The following CYP27C1 variants were observed in gnomAD, a reference collection of about 807,000 sequenced individuals.
The protein encoded by CYP27C1 is cytochrome P450 27C1.
A neutral mutation model predicts 40.6 loss-of-function variants in CYP27C1; 29 were observed. The observed-to-expected ratio is 0.71, with a 90% CI of 0.53 to 0.97. The LOEUF is 0.97. Ranked by LOEUF, CYP27C1 falls within the 50% of genes least tolerant of loss-of-function variation. CYP27C1 has a pLI of 0.00. For synonymous variants in CYP27C1, 198 were observed against 186.8 expected, an observed-to-expected ratio of 1.06 and a Z score of -0.49; for missense variants, 390 against 485.8, an observed-to-expected ratio of 0.80 and a Z score of 1.85.
chr2:127,214,309 C>A (rs1239521964), intron 1 of CYP27C1, among the ~76,000 whole-genome samples: 2 of 152,172 alleles, frequency 1.3e-5, no homozygotes, highest in African/African-American at 2.4e-5. Context: ...CCCAGCAATC[C>A]CATTCCTGGG....
chr2:127,200,624 ATGTTACC>A lies in CYP27C1; in HGVS notation c.883+491_883+497del, dbSNP rs1683010606. ...TTATTTTAAAATGAAAAAACTGATC[ATGTTACC>A]TGTAGTCACAACCCACATGCTTTTT... is the stretch of plus-strand genomic sequence containing the variant. On this transcript the variant is annotated intron_variant, in intron 4 of 8. Transcript: ENST00000664447. The surrounding 1 kb of genome is among the most constrained non-coding windows in gnomAD (Gnocchi z 4.2). 6.6e-6 allele frequency among the ~76,000 whole-genome samples: 1 copy of A among 152,178 alleles called. No homozygotes were observed. The highest frequency in any genetic ancestry group is 2.4e-5 in the African/African-American group (1 of 41,436).
rs1010715898 is a variant in CYP27C1 at position 127,201,007 on chromosome 2, G to C, written c.883+115C>G. On this transcript the variant is annotated intron_variant, in intron 4 of 8. Coordinates refer to ENST00000664447, the MANE Select transcript of CYP27C1 (RefSeq NM_001367502.1). This position sits in a 1 kb window ranked among gnomAD's most constrained non-coding sequence, Gnocchi z 6.0. ...AAGTTATGGGTCCAAAAACTAACAC[G>C]TGACTACATCTAGGCATCCTCTGCT... 1 of 1,037,738 alleles carries C rather than the reference G, an allele frequency of 9.6e-7. No individual in the cohort carries two copies. The allele number at this position is 1,037,738 out of a possible 1,614,324, so 64.3% of individuals were successfully genotyped here.
intron 2 of CYP27C1, among the ~76,000 whole-genome samples, chr2:127,204,187 AC>A (rs1683105683): frequency 6.7e-6 from 1 of 149,098 alleles, no homozygotes; most frequent in African/African-American, 2.5e-5. Context: ...AATCACTTGA[AC>A]CCGGGAGGCA....
intron 5 of CYP27C1, among the ~76,000 whole-genome samples, chr2:127,197,180 T>C (rs1682923188): frequency 6.6e-6 from 1 of 152,138 alleles, no homozygotes; most frequent in Non-Finnish European, 1.5e-5. Context: ...TCAAGTGGTG[T>C]CTTAATTTGA....
In CYP27C1 at chr2:127,193,300, G is replaced by A; in HGVS notation, c.1294-3C>T. On this transcript the variant is annotated splice_polypyrimidine_tract_variant and splice_region_variant and intron_variant, in intron 7 of 8. Coordinates refer to ENST00000664447, the MANE Select transcript of CYP27C1 (RefSeq NM_001367502.1). The stretch of plus-strand genomic sequence containing the variant: ...TAGTGGCAAAGGGCCAGCTGGGTCT[G>A]AGGAAATCAGGGATGACAGAAAAGG... 1.2e-6 allele frequency: 2 copies of A among 1,614,164 alleles called. No individual in the cohort carries two copies. Among genetic ancestry groups the A allele is most frequent in the Middle Eastern group, 1.7e-4 (1 of 6,034 alleles).
chr2:127,199,252 A>C, intron 5 of CYP27C1, 124 bp downstream of exon 5: 1 of 1,284,228 alleles, frequency 7.8e-7, no homozygotes, highest in Non-Finnish European at 1.1e-6. Flanking sequence ...ATGCCATTGC[A>C]CTCCAGCCTG....
At chr2:127,191,473 A>T (rs1206800246) in intron 8 of CYP27C1, among the ~76,000 whole-genome samples, 1 of 151,964 alleles carries the variant, frequency 6.6e-6, no homozygotes, top group African/African-American at 2.4e-5. Flanking sequence ...CTCCCAACTC[A>T]CCGATGCCCT....
At chr2:127,192,958 G>T in intron 8 of CYP27C1, 136 bp downstream of exon 8, 2 of 1,138,820 alleles carry the variant, frequency 1.8e-6, no homozygotes, top group Non-Finnish European at 2.5e-6. Flanking sequence ...CCACAGGTGT[G>T]AGCCACAGTG....
rs1254941614 is a variant in CYP27C1 at position 127,201,385 on chromosome 2, CA to C, written c.674-55del. On this transcript the variant is annotated intron_variant, in intron 3 of 8. Transcript: ENST00000664447. The surrounding 1 kb of genome is among the most constrained non-coding windows in gnomAD (Gnocchi z 6.0). ...TCTTCTAGATTATTTACCATACCAACAGGCAATGTTGGGCCATAAATGCAAC... is the reference window on the plus strand; with the variant it reads ...TCTTCTAGATTATTTACCATACCAACGGCAATGTTGGGCCATAAATGCAAC... The C allele has an allele frequency of 6.4e-7, 1 of 1,554,958 alleles. No homozygotes were observed. The highest frequency in any genetic ancestry group is 2.3e-5 in the East Asian group (1 of 44,226).
In CYP27C1 at chr2:127,193,086, C is replaced by G; in HGVS notation, c.1497+8G>C. On this transcript the variant is annotated splice_region_variant and intron_variant, in intron 8 of 8. Coordinates refer to ENST00000664447, the MANE Select transcript of CYP27C1 (RefSeq NM_001367502.1). ...CCCAAAGGCCAACGTTTGGCCTCCA[C>G]GCCCTACCTGGATCACGACGAGGTG... is the stretch of plus-strand genomic sequence containing the variant. 1 of 1,613,960 alleles carries G rather than the reference C, an allele frequency of 6.2e-7. No individual in the cohort carries two copies. Among genetic ancestry groups the G allele is most frequent in the Non-Finnish European group, 8.5e-7 (1 of 1,179,960 alleles).
intron 1 of CYP27C1, among the ~76,000 whole-genome samples, chr2:127,217,559 C>G (rs1683457146): frequency 6.6e-6 from 1 of 152,338 alleles, no homozygotes; most frequent in East Asian, 1.9e-4. Context: ...CCACAGGTGG[C>G]TGCAGAGGGC....
At chr2:127,205,641 C>T in intron 2 of CYP27C1, 1 of 982,730 alleles carries the variant, frequency 1.0e-6, no homozygotes, top group Non-Finnish European at 1.2e-6. Flanking sequence ...AGCCCTGCTT[C>T]CGAAGCGCTC....
chr2:127,204,603 A>C (rs1264327170), intron 2 of CYP27C1, among the ~76,000 whole-genome samples: 5 of 101,250 alleles, frequency 4.9e-5, no homozygotes, highest in African/African-American at 1.6e-4. Context: ...GAAAGAAAGA[A>C]AGAAAGAAAG....
At chr2:127,198,609 T>C (rs1282867746) in intron 5 of CYP27C1, among the ~76,000 whole-genome samples, 1 of 152,242 alleles carries the variant, frequency 6.6e-6, no homozygotes, top group Non-Finnish European at 1.5e-5. Flanking sequence ...CAATATACAA[T>C]GGTGATCCCA....
At chr2:127,187,838 T>C (rs952895767) in intron 8 of CYP27C1, among the ~76,000 whole-genome samples, 2 of 152,208 alleles carry the variant, frequency 1.3e-5, no homozygotes, top group African/African-American at 2.4e-5. Context: ...CGGAGAGAGC[T>C]GAATCCTCCG....
intron 1 of CYP27C1, among the ~76,000 whole-genome samples, chr2:127,212,492 G>A (rs956406240): frequency 1.1e-4 from 17 of 152,156 alleles, no homozygotes; most frequent in Non-Finnish European, 5.9e-5. Flanking sequence ...TTCATCCCTG[G>A]GATGCAAGGC....
In CYP27C1 at chr2:127,186,505, G is replaced by A. The variant is rs1327752652; in HGVS notation, c.*766C>T. On this transcript the variant is annotated 3_prime_UTR_variant, in exon 9 of 9. Coordinates refer to ENST00000664447, the MANE Select transcript of CYP27C1 (RefSeq NM_001367502.1). The surrounding 1 kb of genome is among the most constrained non-coding windows in gnomAD (Gnocchi z 4.5). ...CAGACCCAACCTCCTGAGCTCAAAC[G>A]ATCCTCCTGCCTCAGTCTTCCGAGT... 6.6e-6 allele frequency: 1 copy of A among 151,826 alleles called. No homozygotes were observed. Among genetic ancestry groups the A allele is most frequent in the Non-Finnish European group, 1.5e-5 (1 of 67,994 alleles). 9.4% of individuals were successfully genotyped at this position (151,826 alleles called of 1,614,324 possible).
At chr2:127,190,619 T>C (rs1682745843) in intron 8 of CYP27C1, among the ~76,000 whole-genome samples, 1 of 148,340 alleles carries the variant, frequency 6.7e-6, no homozygotes, top group East Asian at 2.1e-4. Flanking sequence ...GGATTACAGG[T>C]GTGAGCCACA....
At chr2:127,190,333 TTTTTTTTTC>T (rs1316519456) in intron 8 of CYP27C1, among the ~76,000 whole-genome samples, 15 of 109,724 alleles carry the variant, frequency 1.4e-4, no homozygotes, top group African/African-American at 2.3e-4. Context: ...TGGCTTCTCT[TTTTTTTTTC>T]TTTTTTTTTT....
Sources: gnomAD v4.1 joint callset for allele counts (sites outside exome capture counted in the v4.1 genomes callset) on GRCh38, gnomAD v4.1.1 for gene constraint, Gnocchi (gnomAD v3.1) non-coding constraint, MANE v1.5 for transcripts, NCBI Gene and HGNC (gene_info 2026-07-23, HGNC 2026-07-21) for gene names.